TMEM266: variants seen among roughly 807,000 people sequenced by gnomAD.
TMEM266 encodes the protein Hv1 related protein 1.
TMEM266 carries 33 observed loss-of-function variants against 50.5 expected under a neutral mutation model. That is an observed-to-expected ratio of 0.65 (90% CI 0.50 to 0.87). The LOEUF is 0.87. Ranked by LOEUF, TMEM266 falls within the 40% of genes least tolerant of loss-of-function variation. The pLI is 0.00. For synonymous variants in TMEM266, 310 were observed against 292.3 expected (o/e 1.06, Z -0.62); for missense variants, 655 against 695.1 (o/e 0.94, Z 0.65).
intron 1 of TMEM266, among the ~76,000 whole-genome samples, chr15:76,126,513 A>G (rs2037425622): frequency 6.6e-6 from 1 of 151,312 alleles, no homozygotes. Context: ...CAAATACTGC[A>G]CGATCTCACT....
intron 7 of TMEM266, 117 bp downstream of exon 7, chr15:76,171,248 A>G: frequency 7.1e-7 from 1 of 1,403,138 alleles, no homozygotes; most frequent in African/African-American, 1.4e-5. Flanking sequence ...CGGAAGGTGA[A>G]ACTGTCGGCA....
At chr15:76,191,900 A>AGAGGTCAGGCTG (rs2038578036) in intron 8 of TMEM266, 68 bp from the exon 9 acceptor site, 5 of 1,401,264 alleles carry the variant, frequency 3.6e-6, no homozygotes, top group Non-Finnish European at 4.7e-6. Flanking sequence ...CAAAGCGCCC[A>AGAGGTCAGGCTG]GAGGTCAGGC....
At chr15:76,192,229 G>A (rs1332435339) in intron 9 of TMEM266, 72 bp downstream of exon 9, 35 of 1,334,658 alleles carry the variant, frequency 2.6e-5, no homozygotes, top group Admixed American at 7.1e-5. Flanking sequence ...CTCGCGCCCC[G>A]GGACTGTGCG....
chr15:76,103,910 CAA>C (rs35293752), intron 1 of TMEM266, among the ~76,000 whole-genome samples: 93 of 126,982 alleles, frequency 7.3e-4, no homozygotes, highest in Non-Finnish European at 9.0e-4. Context: ...GACTCCATCT[CAA>C]AAAAAAAAAA....
rs192061226 is a variant in TMEM266, at chr15:76,154,743, G to A, written c.228-1861G>A. Among the ~76,000 whole-genome samples, 11 of 152,286 alleles carry A rather than the reference G, an allele frequency of 7.2e-5. No individual in the cohort carries two copies. The East Asian group carries it at 2.1e-3, about 29-fold the overall frequency. ...ATTCCCCACAGAGTTGAGGACGGGG[G>A]CCTATCATTCCCAGAGGAGTTAGAA... is the stretch of plus-strand genomic sequence containing the variant. On this transcript the variant is annotated intron_variant, in intron 3 of 10. Transcript: ENST00000388942.
intron 8 of TMEM266, among the ~76,000 whole-genome samples, chr15:76,186,055 AGC>A (rs1482660721): frequency 6.6e-6 from 1 of 152,122 alleles, no homozygotes; most frequent in African/African-American, 2.4e-5. Flanking sequence ...GCTACCATCA[AGC>A]TGCCCTGGAT....
intron 6 of TMEM266, 107 bp downstream of exon 6, chr15:76,169,979 C>A: frequency 8.3e-7 from 1 of 1,203,894 alleles, no homozygotes; most frequent in Non-Finnish European, 1.2e-6. Context: ...AGGCTGGTTC[C>A]TTCTCCCACT....
chr15:76,184,759 T>G (rs781339064), intron 8 of TMEM266, among the ~76,000 whole-genome samples: 11 of 152,174 alleles, frequency 7.2e-5, no homozygotes, highest in Non-Finnish European at 1.5e-4. Context: ...TGGGCTTGCA[T>G]TAAAAGCCCG....
At chr15:76,083,098 C>T (rs1334921352) in intron 1 of TMEM266, among the ~76,000 whole-genome samples, 2 of 152,160 alleles carry the variant, frequency 1.3e-5, no homozygotes, top group Admixed American at 6.6e-5. Flanking sequence ...AAGCACCTCC[C>T]ACTAGTTCCC....
intron 1 of TMEM266, among the ~76,000 whole-genome samples, chr15:76,103,181 C>T (rs1403396744): frequency 1.3e-5 from 2 of 152,054 alleles, no homozygotes; most frequent in Non-Finnish European, 2.9e-5. Flanking sequence ...AACTGACATA[C>T]TCGCTAACAG....
At chr15:76,158,802 G>A (rs1313864861) in intron 4 of TMEM266, among the ~76,000 whole-genome samples, 1 of 152,186 alleles carries the variant, frequency 6.6e-6, no homozygotes, top group Non-Finnish European at 1.5e-5. Context: ...CTGACTCGGA[G>A]CTCATCTTCT....
intron 3 of TMEM266, among the ~76,000 whole-genome samples, chr15:76,147,126 C>T (rs912723039): frequency 2.6e-5 from 4 of 152,152 alleles, no homozygotes; most frequent in East Asian, 1.9e-4. Context: ...TCTGTGGAGT[C>T]GAGGAAGAGC....
chr15:76,098,107 C>T (rs1433090644), intron 1 of TMEM266, among the ~76,000 whole-genome samples: 1 of 152,056 alleles, frequency 6.6e-6, no homozygotes, highest in African/African-American at 2.4e-5. Context: ...TCTGTCAATT[C>T]ATCAAACTCA....
chr15:76,174,506 G>A (rs962871176), intron 7 of TMEM266, among the ~76,000 whole-genome samples: 30 of 151,800 alleles, frequency 2.0e-4, no homozygotes, highest in African/African-American at 5.8e-4. Context: ...AGCTGAGATC[G>A]CCCACTGCAC....
chr15:76,156,545 T>C (rs2037929996), intron 3 of TMEM266, 59 bp from the exon 4 acceptor site: 1 of 1,575,910 alleles, frequency 6.3e-7, no homozygotes, highest in Non-Finnish European at 8.7e-7. Context: ...TTGGCCGGGG[T>C]CCACCCTCTT....
At position 76,156,627 on chromosome 15, in the gene TMEM266, G is replaced by C; in HGVS notation, c.251G>C (p.Cys84Ser). 1 of 1,614,142 alleles carries C rather than the reference G, an allele frequency of 6.2e-7. No individual in the cohort carries two copies. Among genetic ancestry groups the C allele is most frequent in the Non-Finnish European group, 8.5e-7 (1 of 1,180,030 alleles). Residue 84 changes from cysteine to serine, a missense_variant, in exon 4 of 11, where the codon TGT becomes TCT. By Grantham distance (112) the Cys-to-Ser change is moderately radical. Transcript: ENST00000388942. ...AGGTCTAACTGGCTGAAGCCGTGCTGTGGGAAGAGAGCAGCCGTGTGGCAG... is the reference window on the plus strand; with the variant it reads ...AGGTCTAACTGGCTGAAGCCGTGCTCTGGGAAGAGAGCAGCCGTGTGGCAG...
intron 1 of TMEM266, among the ~76,000 whole-genome samples, chr15:76,088,972 T>C (rs2036811450): frequency 6.6e-6 from 1 of 150,942 alleles, no homozygotes; most frequent in African/African-American, 2.4e-5. Flanking sequence ...CACATGCCTG[T>C]TACTCCAGCT....
chr15:76,168,888 G>A lies in TMEM266; in HGVS notation c.457-928G>A, dbSNP rs972219700. Among the ~76,000 whole-genome samples the A allele has an allele frequency of 2.0e-5, 3 of 152,132 alleles. No homozygotes were observed. The highest frequency in any genetic ancestry group is 7.3e-5 in the African/African-American group (3 of 41,370). ...AGAGCTTCATGGAGGTGACGTTCAA[G>A]CCAGAAGGACAGGAAGGGGAAAGCC... On this transcript the variant is annotated intron_variant, in intron 5 of 10. Coordinates refer to ENST00000388942, the MANE Select transcript of TMEM266 (RefSeq NM_152335.3). The surrounding 1 kb of genome is among the most constrained non-coding windows in gnomAD (Gnocchi z 4.4).
intron 1 of TMEM266, among the ~76,000 whole-genome samples, chr15:76,067,837 C>T (rs186193247): frequency 6.6e-6 from 1 of 151,738 alleles, no homozygotes; most frequent in Admixed American, 6.6e-5. Context: ...ATAAGTATAT[C>T]AAACCAAAAA....
Sources: allele counts gnomAD v4.1 joint callset (sites outside exome capture counted in the v4.1 genomes callset), GRCh38; gene constraint gnomAD v4.1.1; non-coding constraint Gnocchi (gnomAD v3.1); transcripts MANE v1.5; gene names NCBI Gene and HGNC (gene_info 2026-07-23, HGNC 2026-07-21).